RBM6: variants seen among roughly 807,000 people sequenced by gnomAD.
The protein encoded by RBM6 is RNA-binding protein 6.
A neutral mutation model predicts 140.4 loss-of-function variants in RBM6; 23 were observed. That is an observed-to-expected ratio of 0.16 (90% CI 0.12 to 0.23). RBM6 has a LOEUF of 0.23. Among genes scored for constraint, RBM6 ranks in the 10% least tolerant of loss-of-function variants. The pLI is 1.00. For missense variants in RBM6, 1,139 were observed against 1,386.7 expected (o/e 0.82, Z 2.84); for synonymous variants, 439 against 475.6 (o/e 0.92, Z 1.00).
intron 1 of RBM6, among the ~76,000 whole-genome samples, chr3:49,944,139 A>T (rs2083394703): frequency 6.6e-6 from 1 of 152,136 alleles, no homozygotes; most frequent in Admixed American, 6.6e-5. Context: ...TTCTGTACCC[A>T]TTGAATAGTA....
intron 6 of RBM6, among the ~76,000 whole-genome samples, chr3:50,032,243 G>T (rs2088211826): frequency 6.6e-6 from 1 of 152,028 alleles, no homozygotes; most frequent in Admixed American, 6.6e-5. Context: ...AGCACTTTGG[G>T]AGGTCGAGGC....
At chr3:50,005,399 A>G (rs1450026610) in intron 6 of RBM6, among the ~76,000 whole-genome samples, 2 of 151,988 alleles carry the variant, frequency 1.3e-5, no homozygotes, top group African/African-American at 4.8e-5. Flanking sequence ...TTGGAAGGCT[A>G]AAGTGGGAGG....
Position 50,002,891 on chromosome 3 carries a change from C to T in RBM6, c.1557+3378C>T, listed in dbSNP as rs141307931. On this transcript the variant is annotated intron_variant, in intron 6 of 20. Transcript: ENST00000266022. ...AAATATTTTGGGAGGCTGAGGCGAGCGGATCATGAGGTCAGGAGAGCAAGA... is the reference window on the plus strand; with the variant it reads ...AAATATTTTGGGAGGCTGAGGCGAGTGGATCATGAGGTCAGGAGAGCAAGA... 1.3e-4 allele frequency among the ~76,000 whole-genome samples: 20 copies of T among 151,912 alleles called. No homozygotes were observed. The East Asian group carries it at 3.1e-3, about 24-fold the overall frequency.
At chr3:50,005,042 A>G (rs1444058503) in intron 6 of RBM6, among the ~76,000 whole-genome samples, 5 of 152,200 alleles carry the variant, frequency 3.3e-5, no homozygotes, top group Admixed American at 2.0e-4. Flanking sequence ...GGTGTGAGGA[A>G]TGAAAGCTGT....
chr3:49,988,467 T>A (rs1030724615), intron 5 of RBM6, among the ~76,000 whole-genome samples: 2 of 152,038 alleles, frequency 1.3e-5, no homozygotes, highest in African/African-American at 4.8e-5. Context: ...TTAACCACTA[T>A]TTTTTAGAAC....
chr3:50,069,546 C>T lies in RBM6; in HGVS notation c.3018+782C>T, dbSNP rs115655597. 3.1e-3 allele frequency among the ~76,000 whole-genome samples: 462 copies of T among 150,434 alleles called. 3 individuals are homozygous for T. Among genetic ancestry groups the T allele is most frequent in the African/African-American group, 0.011 (453 of 40,768 alleles). On this transcript the variant is annotated intron_variant, in intron 18 of 20. Coordinates refer to ENST00000266022, the MANE Select transcript of RBM6 (RefSeq NM_005777.3). Reference sequence around the variant, plus strand: ...AAAAAGGAAGCCACCTGTGGAGAGCCAGGCACAGTGGCACATGCATGTAAT... The same window carrying T: ...AAAAAGGAAGCCACCTGTGGAGAGCTAGGCACAGTGGCACATGCATGTAAT...
chr3:50,047,988 G>A (rs2089297175), intron 6 of RBM6, among the ~76,000 whole-genome samples: 1 of 152,154 alleles, frequency 6.6e-6, no homozygotes. Context: ...CCTGCCCAAG[G>A]ACAGCACCCT....
chr3:49,997,644 C>G (rs556068285), intron 5 of RBM6, among the ~76,000 whole-genome samples: 1 of 152,176 alleles, frequency 6.6e-6, no homozygotes, highest in Non-Finnish European at 1.5e-5. Flanking sequence ...TGTTCCATGG[C>G]TAACCCTTTC....
chr3:50,040,440 CT>C (rs1328534271), intron 6 of RBM6, among the ~76,000 whole-genome samples: 7 of 82,872 alleles, frequency 8.4e-5, no homozygotes, highest in African/African-American at 3.8e-4. Flanking sequence ...AGCAAGGCTC[CT>C]TCTCAAAAAA....
At chr3:50,003,889 C>T (rs548765152) in intron 6 of RBM6, among the ~76,000 whole-genome samples, 1 of 152,342 alleles carries the variant, frequency 6.6e-6, no homozygotes, top group East Asian at 1.9e-4. Context: ...TCGTTCCACC[C>T]TTCCTGCAAA....
intron 3 of RBM6, 49 bp downstream of exon 3, chr3:49,968,797 T>TC (rs1205389009): frequency 2.3e-6 from 3 of 1,290,154 alleles, no homozygotes; most frequent in Admixed American, 2.7e-5. Context: ...TTTTTTTTTT[T>TC]TGAGACGGAG....
At chr3:50,064,323 G>A (rs1269573496) in intron 15 of RBM6, among the ~76,000 whole-genome samples, 1 of 152,032 alleles carries the variant, frequency 6.6e-6, no homozygotes, top group Non-Finnish European at 1.5e-5. Flanking sequence ...GAGTCATACT[G>A]ATTTAATATT....
chr3:50,057,737 C>T lies in RBM6; in HGVS notation c.1703C>T (p.Ala568Val), dbSNP rs1256209747. ...GTTTCTGTTCCACTAGTGACAGAGG[C>T]CAAGCAAGAATTAATAACCTACCCT... ...FCKNPREVTE[A>V]KQELITYPQP... The change falls in exon 9 of 21, where the codon GCC (alanine) becomes GTC (valine). Residue 568 changes from alanine to valine, a missense_variant. By Grantham distance (64) the Ala-to-Val change is moderately conservative. Around this residue, in one of 9 missense-constraint regions of RBM6, gnomAD observed 58 missense variants for 99.7 expected, o/e 0.58. Coordinates refer to ENST00000266022, the MANE Select transcript of RBM6 (RefSeq NM_005777.3). The T allele has an allele frequency of 1.9e-6, 3 of 1,610,882 alleles. No homozygotes were observed. The African/African-American group carries it at 4.1e-5, about 22-fold the overall frequency.
intron 1 of RBM6, among the ~76,000 whole-genome samples, chr3:49,943,029 A>G (rs968619330): frequency 6.6e-6 from 1 of 152,042 alleles, no homozygotes. Flanking sequence ...GGTTTATTTC[A>G]CTTAGTGTAA....
chr3:49,943,443 G>A lies in RBM6; in HGVS notation c.-67+3218G>A, dbSNP rs575951861. 2.3e-4 allele frequency among the ~76,000 whole-genome samples: 35 copies of A among 152,106 alleles called. 1 individual carries two copies. The South Asian group carries it at 3.1e-3, about 14-fold the overall frequency. On this transcript the variant is annotated intron_variant, in intron 1 of 20. Transcript: ENST00000266022. The stretch of plus-strand genomic sequence containing the variant: ...AGCTTCCTGAGTAGCTGGGACTACA[G>A]GCATGGGCTGCCACAACCAGCTAAT...
chr3:49,996,311 G>C (rs1196824173), intron 5 of RBM6, among the ~76,000 whole-genome samples: 2 of 152,226 alleles, frequency 1.3e-5, no homozygotes, highest in African/African-American at 4.8e-5. Flanking sequence ...TAAATTGAAA[G>C]ATGGTATGTT....
At chr3:50,034,755 C>T (rs908457677) in intron 6 of RBM6, among the ~76,000 whole-genome samples, 4 of 151,666 alleles carry the variant, frequency 2.6e-5, no homozygotes, top group African/African-American at 9.7e-5. Context: ...AGCGAGACTC[C>T]GTCTCCAAAA....
At chr3:50,037,415 A>G (rs1483179971) in intron 6 of RBM6, among the ~76,000 whole-genome samples, 1 of 152,122 alleles carries the variant, frequency 6.6e-6, no homozygotes, top group Admixed American at 6.6e-5. Flanking sequence ...CAAAAAAAGC[A>G]GGGGGGCATA....
At position 50,060,957 on chromosome 3, in the gene RBM6, A is replaced by G. The variant is rs761536353; in HGVS notation, c.2230A>G (p.Asn744Asp). The change falls in exon 12 of 21, where the codon AAT becomes GAT. Residue 744 changes from asparagine (N) to aspartate (D), a missense_variant and splice_region_variant. This residue lies in a region of RBM6 where 163 missense variants were observed against 182.8 expected (regional missense o/e 0.89). Transcript: ENST00000266022. ...GAATTGTTGTGTTATCTGTTGCAGA[A>G]ATGATTCTGGGGACCATTCTGACCA... The part of the protein sequence containing the change: ...AVNLATGKRR[N>D]DSGDHSDHMH... 1 of 1,568,014 alleles carries G rather than the reference A, an allele frequency of 6.4e-7. No homozygotes were observed. Among genetic ancestry groups the G allele is most frequent in the African/African-American group, 1.4e-5 (1 of 73,118 alleles).
Sources: allele counts gnomAD v4.1 joint callset (sites outside exome capture counted in the v4.1 genomes callset), GRCh38; gene constraint gnomAD v4.1.1; regional missense constraint gnomAD v4.1.1; transcripts MANE v1.5; gene names NCBI Gene and HGNC (gene_info 2026-07-23, HGNC 2026-07-21).